The following CLCN7 variants were observed in gnomAD, a reference collection of about 807,000 sequenced individuals.
CLCN7 encodes the protein H(+)/Cl(-) exchange transporter 7.
Under a neutral mutation model 102.1 loss-of-function variants are expected in CLCN7, and 60 were observed. The ratio of observed to expected loss-of-function variants is 0.59; its 90% CI spans 0.48 to 0.73. CLCN7 has a LOEUF of 0.73. Ranked by LOEUF, CLCN7 falls within the 30% of genes least tolerant of loss-of-function variation. The pLI, the probability that CLCN7 is intolerant of heterozygous loss-of-function variation, is 0.00. For missense variants in CLCN7, 962 were observed against 1,125.7 expected, an observed-to-expected ratio of 0.85 and a Z score of 2.08; for synonymous variants, 560 against 490.5, an observed-to-expected ratio of 1.14 and a Z score of -1.87.
chr16:1,446,448 A>C lies in CLCN7; in HGVS notation c.*183T>G, dbSNP rs562621944. The C allele has an allele frequency of 1.4e-6, 1 of 708,512 alleles. No homozygotes were observed. Among genetic ancestry groups the C allele is most frequent in the Admixed American group, 2.0e-5 (1 of 50,022 alleles). The allele number at this position is 708,512 out of a possible 1,614,324, so 43.9% of individuals were successfully genotyped here. On this transcript the variant is annotated 3_prime_UTR_variant, in exon 25 of 25. Coordinates refer to ENST00000382745, the MANE Select transcript of CLCN7 (RefSeq NM_001287.6). ...GCGCCAAGGGGGGAGACCACTGCCC[A>C]CAACAGGGTCAGTCCCGCGAGAGGG...
At position 1,457,398 on chromosome 16, in the gene CLCN7, G is replaced by C. The variant is rs2038851249; in HGVS notation, c.739-61C>G. The C allele has an allele frequency of 6.8e-7, 1 of 1,472,144 alleles. No homozygotes were observed. The highest frequency in any genetic ancestry group is 1.4e-5 in the African/African-American group (1 of 70,860). The allele number at this position is 1,472,144 out of a possible 1,614,324, so 91.2% of individuals were successfully genotyped here. On this transcript the variant is annotated intron_variant, in intron 8 of 24. Coordinates refer to ENST00000382745, the MANE Select transcript of CLCN7 (RefSeq NM_001287.6). The surrounding 1 kb of genome is among the most constrained non-coding windows in gnomAD (Gnocchi z 5.4). Reference sequence around the variant, plus strand: ...GTGACGCGGCCCTTCCTGGAGACCAGAAGGACCGATGCTCAGAGACACGCG... The same window carrying C: ...GTGACGCGGCCCTTCCTGGAGACCACAAGGACCGATGCTCAGAGACACGCG...
Position 1,448,413 on chromosome 16 carries a change from C to T in CLCN7, c.1955G>A (p.Ser652Asn), listed in dbSNP as rs758623954. 12 of 1,612,566 alleles carry T rather than the reference C, an allele frequency of 7.4e-6. No homozygotes were observed. In the Admixed American group the frequency reaches 8.3e-5, roughly 11 times the overall value. ...GCCGTTGTGATTGGACGCCGTGTCGCTCAGCACGTCCACAATGACGCCGAC... is the reference window on the plus strand; with the variant it reads ...GCCGTTGTGATTGGACGCCGTGTCGTTCAGCACGTCCACAATGACGCCGAC... ...EKVGVIVDVL[S>N]DTASNHNGFP... is the part of the protein sequence containing the mutation. The change falls in exon 21 of 25, where the codon AGC becomes AAC. Residue 652 changes from serine (S) to asparagine (N), a missense_variant. Physicochemically the swap from Ser to Asn is conservative, Grantham distance 46 (BLOSUM62 1). Transcript: ENST00000382745.
At position 1,455,808 on chromosome 16, in the gene CLCN7, C is replaced by G; in HGVS notation, c.917-13G>C. ...AACAGGACCCCACCTGGAAGGCAGG[C>G]GGCCGGCTCGGGTGCCAGCTGGACA... On this transcript the variant is annotated splice_polypyrimidine_tract_variant and intron_variant, in intron 10 of 24. Coordinates refer to ENST00000382745, the MANE Select transcript of CLCN7 (RefSeq NM_001287.6). The G allele has an allele frequency of 6.2e-7, 1 of 1,612,694 alleles. No individual in the cohort carries two copies. The highest frequency in any genetic ancestry group is 8.5e-7 in the Non-Finnish European group (1 of 1,179,972).
At position 1,457,388 on chromosome 16, in the gene CLCN7, C is replaced by T. The variant is rs1268742052; in HGVS notation, c.739-51G>A. 6.6e-7 allele frequency: 1 copy of T among 1,507,524 alleles called. No individual in the cohort carries two copies. Among genetic ancestry groups the T allele is most frequent in the East Asian group, 2.3e-5 (1 of 44,172 alleles). The allele number at this position is 1,507,524 out of a possible 1,614,324, so 93.4% of individuals were successfully genotyped here. The stretch of plus-strand genomic sequence containing the variant: ...AGAGACACGCGTGACGCGGCCCTTC[C>T]TGGAGACCAGAAGGACCGATGCTCA... On this transcript the variant is annotated intron_variant, in intron 8 of 24. Coordinates refer to ENST00000382745, the MANE Select transcript of CLCN7 (RefSeq NM_001287.6). The surrounding 1 kb of genome is among the most constrained non-coding windows in gnomAD (Gnocchi z 5.4).
chr16:1,449,338 T>C lies in CLCN7; in HGVS notation c.1618-11A>G, dbSNP rs1388208920. On this transcript the variant is annotated splice_polypyrimidine_tract_variant and intron_variant, in intron 17 of 24. Coordinates refer to ENST00000382745, the MANE Select transcript of CLCN7 (RefSeq NM_001287.6). Reference sequence around the variant, plus strand: ...GGGGTCCGCCCAGATCTGTGGGAGGTGACACGGAGGAGGTGTCAGTGTGGT... The same window carrying C: ...GGGGTCCGCCCAGATCTGTGGGAGGCGACACGGAGGAGGTGTCAGTGTGGT... 4 of 1,579,202 alleles carry C rather than the reference T, an allele frequency of 2.5e-6. No individual in the cohort carries two copies. The African/African-American group carries it at 5.4e-5, about 21-fold the overall frequency.
chr16:1,458,560 G>A (rs1431144760), intron 7 of CLCN7, among the ~76,000 whole-genome samples: 2 of 152,120 alleles, frequency 1.3e-5, no homozygotes, highest in Non-Finnish European at 2.9e-5. Context: ...CCAGGCCCCG[G>A]AAGCACCCCC....
At chr16:1,456,415 G>A (rs971594181) in intron 9 of CLCN7, among the ~76,000 whole-genome samples, 2 of 152,196 alleles carry the variant, frequency 1.3e-5, no homozygotes, top group Admixed American at 6.5e-5. Context: ...AGGGAAACAC[G>A]CAAACACCCA....
At position 1,455,781 on chromosome 16, in the gene CLCN7, TGA is replaced by T; in HGVS notation, c.929_930del (p.Phe310Ter). ...CAGAAGGACGCACCCTCCTCCAAGC[TGA>T]ACAGGACCCCACCTGGAAGGCAGGC... ...AFGAPVGGVL[F>X]SLEEGASFWN... On this transcript the variant is annotated frameshift_variant, in exon 11 of 25. Transcript: ENST00000382745. LOFTEE classifies it high-confidence loss of function. 6.2e-7 allele frequency: 1 copy of T among 1,613,576 alleles called. No homozygotes were observed.
At chr16:1,459,676 G>A (rs553898207) in intron 6 of CLCN7, among the ~76,000 whole-genome samples, 1 of 39,166 alleles carries the variant, frequency 2.6e-5, no homozygotes, top group Non-Finnish European at 4.8e-5. Flanking sequence ...CGGCACACAC[G>A]TCGGGGCCTC....
At chr16:1,446,878 G>T in intron 24 of CLCN7, 128 bp downstream of exon 24, 1 of 1,138,472 alleles carries the variant, frequency 8.8e-7, no homozygotes, top group South Asian at 1.3e-5. Context: ...TGCAGCCATG[G>T]GGCATGGGCC....
At chr16:1,451,581 C>T in intron 16 of CLCN7, 42 bp downstream of exon 16, 1 of 1,563,148 alleles carries the variant, frequency 6.4e-7, no homozygotes, top group Non-Finnish European at 8.8e-7. Flanking sequence ...ATCACCCAGG[C>T]CCTGATCCCA....
At chr16:1,454,670 G>A (rs892874612) in intron 12 of CLCN7, among the ~76,000 whole-genome samples, 8 of 152,220 alleles carry the variant, frequency 5.3e-5, no homozygotes, top group South Asian at 4.1e-4. Context: ...GGTGGCCAGC[G>A]AGGCTCTCAG....
intron 9 of CLCN7, among the ~76,000 whole-genome samples, chr16:1,456,562 G>A (rs916443418): frequency 6.6e-6 from 1 of 152,214 alleles, no homozygotes; most frequent in African/African-American, 2.4e-5. Context: ...ACACATGGCC[G>A]GCGCGGTGCC....
rs201396352 is a variant in CLCN7 at position 1,448,676 on chromosome 16, T to C, written c.1883+5A>G. 2 of 1,612,614 alleles carry C rather than the reference T, an allele frequency of 1.2e-6. No individual in the cohort carries two copies. Among genetic ancestry groups the C allele is most frequent in the East Asian group, 4.5e-5 (2 of 44,868 alleles). On this transcript the variant is annotated splice_donor_5th_base_variant and intron_variant, in intron 20 of 24. Coordinates refer to ENST00000382745, the MANE Select transcript of CLCN7 (RefSeq NM_001287.6). ...CCCCACCCACAGGTGTCCTGGGCGC[T>C]GTACCTGGCAGTGAGTGAGTGTGAG...
intron 4 of CLCN7, 29 bp from the exon 5 acceptor site, chr16:1,460,977 G>A (rs750488892): frequency 1.2e-6 from 2 of 1,609,706 alleles, no homozygotes; most frequent in South Asian, 1.1e-5. Context: ...GCGAGGGTCA[G>A]GCAGGGCCCT....
At chr16:1,448,916 C>A (rs144540326) in intron 19 of CLCN7, 50 bp downstream of exon 19, 2 of 1,609,052 alleles carry the variant, frequency 1.2e-6, no homozygotes, top group African/African-American at 1.3e-5. Context: ...GGCCCCTCCC[C>A]TATGGCAGCA....
At position 1,450,621 on chromosome 16, in the gene CLCN7, A is replaced by T; in HGVS notation, c.1493T>A (p.Phe498Tyr). Residue 498 changes from phenylalanine (F) to tyrosine (Y), a missense_variant, in exon 17 of 25, where the codon TTC becomes TAC. Phe to Tyr is a conservative substitution (Grantham distance 22, BLOSUM62 3). Transcript: ENST00000382745. ...LTLGLFTLVY[F>Y]FLACWTYGLT... Reference sequence around the variant, plus strand: ...CCCGTAGGTCCAGCAGGCCAGGAAGAAGTAGACCAGCGTGAACAGGCCGAG... The same window carrying T: ...CCCGTAGGTCCAGCAGGCCAGGAAGTAGTAGACCAGCGTGAACAGGCCGAG... The T allele has an allele frequency of 6.2e-7, 1 of 1,612,696 alleles. No individual in the cohort carries two copies.
chr16:1,453,785 C>T (rs1197962517), intron 14 of CLCN7, 49 bp downstream of exon 14: 10 of 1,570,062 alleles, frequency 6.4e-6, no homozygotes, highest in Non-Finnish European at 8.8e-6. Context: ...TTCAAAGGGC[C>T]TGTGTGGCCA....
intron 13 of CLCN7, 126 bp from the exon 14 acceptor site, chr16:1,454,020 G>A: frequency 3.5e-6 from 3 of 855,200 alleles, no homozygotes; most frequent in Non-Finnish European, 5.8e-6. Context: ...GGGGCTAGGG[G>A]GTCCTGGTAA....
Sources: gnomAD v4.1 joint callset for allele counts (sites outside exome capture counted in the v4.1 genomes callset) on GRCh38, gnomAD v4.1.1 for gene constraint, Gnocchi (gnomAD v3.1) non-coding constraint, MANE v1.5 for transcripts, NCBI Gene and HGNC (gene_info 2026-07-23, HGNC 2026-07-21) for gene names.